The following GPATCH2 variants were observed in gnomAD, a reference collection of about 807,000 sequenced individuals.
The protein encoded by GPATCH2 is G-patch domain containing 2.
Under a neutral mutation model 58.0 loss-of-function variants are expected in GPATCH2, and 51 were observed. The observed-to-expected ratio is 0.88, with a 90% CI of 0.70 to 1.11. GPATCH2 has a LOEUF of 1.11. Among genes scored for constraint, GPATCH2 ranks in the 50% most tolerant of loss-of-function variants. The pLI is 0.00. For synonymous variants in GPATCH2, 222 were observed against 218.5 expected (o/e 1.02, Z -0.14); for missense variants, 625 against 652.2 (o/e 0.96, Z 0.45).
intron 9 of GPATCH2, among the ~76,000 whole-genome samples, 158 bp downstream of exon 9, chr1:217,449,091 T>A (rs940693941): frequency 1.4e-4 from 22 of 152,228 alleles, no homozygotes; most frequent in African/African-American, 5.3e-4. Context: ...ATGGAACATG[T>A]AATACACCCT....
Position 217,569,588 on chromosome 1 carries a change from G to A in GPATCH2, c.1098+40733C>T, listed in dbSNP as rs139660137. Among the ~76,000 whole-genome samples the A allele has an allele frequency of 1.4e-3, 216 of 152,198 alleles. 2 individuals are homozygous for A. The East Asian group carries it at 0.031, about 22-fold the overall frequency. On this transcript the variant is annotated intron_variant, in intron 5 of 9. Transcript: ENST00000366935. ...CATGCACCTGTAATCCCAGCTACTCGGGAGGCTGAGGCGGGAGAACTGCTT... is the reference window on the plus strand; with the variant it reads ...CATGCACCTGTAATCCCAGCTACTCAGGAGGCTGAGGCGGGAGAACTGCTT...
intron 2 of GPATCH2, among the ~76,000 whole-genome samples, chr1:217,614,924 G>C (rs1417882779): frequency 6.6e-6 from 1 of 151,908 alleles, no homozygotes; most frequent in African/African-American, 2.4e-5. Flanking sequence ...TCTAATAGAA[G>C]TAATGCTTAT....
intron 5 of GPATCH2, among the ~76,000 whole-genome samples, chr1:217,556,034 G>T (rs147757667): frequency 5.3e-5 from 8 of 152,242 alleles, no homozygotes; most frequent in Non-Finnish European, 1.0e-4. Flanking sequence ...AGAGGTTTGA[G>T]ATATGTAATG....
intron 8 of GPATCH2, 120 bp downstream of exon 8, chr1:217,491,560 C>T (rs1461137272): frequency 1.9e-5 from 9 of 472,998 alleles, no homozygotes; most frequent in Non-Finnish European, 3.1e-5. Context: ...ATAAACAATA[C>T]ATAAAATATT....
At chr1:217,452,398 CT>C (rs1159906399) in intron 8 of GPATCH2, among the ~76,000 whole-genome samples, 3 of 152,130 alleles carry the variant, frequency 2.0e-5, no homozygotes, top group Admixed American at 6.6e-5. Flanking sequence ...GGGCACGTTT[CT>C]TAAGAAACAC....
chr1:217,459,169 TAAC>T (rs1225746987), intron 8 of GPATCH2, among the ~76,000 whole-genome samples: 1 of 152,208 alleles, frequency 6.6e-6, no homozygotes, highest in Non-Finnish European at 1.5e-5. Context: ...AACATTCCCT[TAAC>T]AATTGACAAA....
At chr1:217,603,783 C>G (rs557527404) in intron 5 of GPATCH2, among the ~76,000 whole-genome samples, 2 of 151,836 alleles carry the variant, frequency 1.3e-5, no homozygotes, top group South Asian at 2.1e-4. Context: ...TCACCATGCC[C>G]TGCTAATTTT....
Position 217,430,918 on chromosome 1 carries a change from T to C in GPATCH2, c.*227A>G. 1.8e-6 allele frequency: 1 copy of C among 560,862 alleles called. No individual in the cohort carries two copies. Among genetic ancestry groups the C allele is most frequent in the Middle Eastern group, 4.7e-4 (1 of 2,108 alleles). The allele number at this position is 560,862 out of a possible 1,614,324, so 34.7% of individuals were successfully genotyped here. ...GCTGCTCTTTATACCTAGAAATAGC[T>C]GGAAATTACTGAAAAAAATTAAAGT... is the stretch of plus-strand genomic sequence containing the variant. On this transcript the variant is annotated 3_prime_UTR_variant, in exon 10 of 10. Transcript: ENST00000366935.
intron 8 of GPATCH2, among the ~76,000 whole-genome samples, chr1:217,449,774 T>G (rs1009096795): frequency 6.6e-6 from 1 of 152,232 alleles, no homozygotes; most frequent in African/African-American, 2.4e-5. Flanking sequence ...TACGCAGCAG[T>G]GAATTCTCTT....
intron 5 of GPATCH2, among the ~76,000 whole-genome samples, chr1:217,568,823 T>G (rs1666396607): frequency 6.6e-6 from 1 of 152,192 alleles, no homozygotes. Context: ...TGGAACTTAT[T>G]TGACCATGGT....
chr1:217,541,792 CT>C (rs1664754651), intron 5 of GPATCH2, among the ~76,000 whole-genome samples: 1 of 152,160 alleles, frequency 6.6e-6, no homozygotes, highest in African/African-American at 2.4e-5. Context: ...GGGTAATTCA[CT>C]ACCTCACATA....
chr1:217,474,950 A>C (rs1196987573), intron 8 of GPATCH2, among the ~76,000 whole-genome samples: 1 of 152,194 alleles, frequency 6.6e-6, no homozygotes, highest in African/African-American at 2.4e-5. Flanking sequence ...ATATAAATAA[A>C]AAAGGTGAAT....
rs921599342 is a variant in GPATCH2 at position 217,574,782 on chromosome 1, G to T, written c.1098+35539C>A. ...CAAAATCACTCAGTCAATAATAAGC[G>T]ACAGGTCCAACCGGATTTGAGTCCT... On this transcript the variant is annotated intron_variant, in intron 5 of 9. Coordinates refer to ENST00000366935, the MANE Select transcript of GPATCH2 (RefSeq NM_018040.5). 5.3e-5 allele frequency among the ~76,000 whole-genome samples: 8 copies of T among 152,194 alleles called. No homozygotes were observed. In the East Asian group the frequency reaches 1.5e-3, roughly 29 times the overall value.
chr1:217,614,939 C>A (rs1381676550), intron 2 of GPATCH2, among the ~76,000 whole-genome samples: 1 of 151,830 alleles, frequency 6.6e-6, no homozygotes, highest in East Asian at 1.9e-4. Flanking sequence ...GCTTATATGA[C>A]AGTCTAGTTT....
At chr1:217,512,132 G>A (rs1206957123) in intron 6 of GPATCH2, among the ~76,000 whole-genome samples, 1 of 152,002 alleles carries the variant, frequency 6.6e-6, no homozygotes, top group South Asian at 2.1e-4. Context: ...GACTAGCCTG[G>A]GTAACACAGT....
intron 1 of GPATCH2, among the ~76,000 whole-genome samples, chr1:217,622,288 A>C (rs1251068012): frequency 6.6e-6 from 1 of 152,246 alleles, no homozygotes; most frequent in Non-Finnish European, 1.5e-5. Context: ...AACTGAGCTC[A>C]AAGAACCAAC....
intron 6 of GPATCH2, among the ~76,000 whole-genome samples, chr1:217,510,282 T>C (rs1350971568): frequency 6.6e-6 from 1 of 152,094 alleles, no homozygotes; most frequent in Non-Finnish European, 1.5e-5. Flanking sequence ...AACATGTTGA[T>C]AATTTAAAAT....
intron 8 of GPATCH2, chr1:217,491,387 T>G (rs1661726309): frequency 6.3e-6 from 1 of 159,412 alleles, no homozygotes; most frequent in South Asian, 2.0e-4. Context: ...ATTAAGCCAA[T>G]TTTTTAGATT....
At chr1:217,452,336 T>C (rs1273303781) in intron 8 of GPATCH2, among the ~76,000 whole-genome samples, 2 of 152,210 alleles carry the variant, frequency 1.3e-5, no homozygotes, top group African/African-American at 4.8e-5. Context: ...GCTGGTTTTA[T>C]TGATTTCAGA....
Sources: gnomAD v4.1 joint callset for allele counts (sites outside exome capture counted in the v4.1 genomes callset) on GRCh38, gnomAD v4.1.1 for gene constraint, MANE v1.5 for transcripts, NCBI Gene and HGNC (gene_info 2026-07-23, HGNC 2026-07-21) for gene names.